Variants in DIP2B observed in about 807,000 individuals in gnomAD.
DIP2B encodes disco-interacting protein 2 homolog B.
In DIP2B, 76 loss-of-function variants were observed where a neutral mutation model predicts 198.0. The ratio of observed to expected loss-of-function variants is 0.38; its 90% confidence interval spans 0.32 to 0.46. The LOEUF (loss-of-function observed/expected upper bound fraction) is 0.46. DIP2B is among the 20% of genes least tolerant of loss of function. DIP2B has a pLI of 0.99. For missense variants in DIP2B, 1,559 were observed against 1,978.4 expected, an observed-to-expected ratio of 0.79 and a Z score of 4.02; for synonymous variants, 701 against 739.1, an observed-to-expected ratio of 0.95 and a Z score of 0.84.
chr12:50,696,116 G>GT, intron 16 of DIP2B, 149 bp downstream of exon 16: 1 of 1,253,536 alleles, frequency 8.0e-7, no homozygotes, highest in African/African-American at 1.5e-5. Flanking sequence ...CACGAGTTGT[G>GT]TAACCATCAT....
chr12:50,727,961 A>G, intron 29 of DIP2B, 149 bp downstream of exon 29: 2 of 630,276 alleles, frequency 3.2e-6, no homozygotes, highest in Non-Finnish European at 5.5e-6. Context: ...AAATAAAGGC[A>G]TTGGCTCCTC....
chr12:50,546,756 G>T (rs1958380987), intron 1 of DIP2B, among the ~76,000 whole-genome samples: 1 of 152,106 alleles, frequency 6.6e-6, no homozygotes, highest in Admixed American at 6.6e-5. Flanking sequence ...GGAGTGGGCT[G>T]TTCTTAAATA....
chr12:50,604,519 A>G (rs935386165), intron 1 of DIP2B, among the ~76,000 whole-genome samples: 2 of 152,124 alleles, frequency 1.3e-5, no homozygotes, highest in African/African-American at 4.8e-5. Context: ...AGTGGCATGC[A>G]TGTTCATGGC....
chr12:50,540,618 G>A (rs1438401514), intron 1 of DIP2B, among the ~76,000 whole-genome samples: 2 of 147,348 alleles, frequency 1.4e-5, no homozygotes, highest in East Asian at 2.0e-4. Context: ...GTGCGATCTC[G>A]GCTCACTGCA....
intron 1 of DIP2B, among the ~76,000 whole-genome samples, chr12:50,582,086 A>G (rs1216738862): frequency 1.3e-5 from 2 of 150,718 alleles, no homozygotes; most frequent in African/African-American, 4.9e-5. Flanking sequence ...AAGGGCAGTA[A>G]CTTTTTAGAT....
In DIP2B at chr12:50,731,178, A is replaced by T. The variant is rs186442102; in HGVS notation, c.3642-191A>T. Reference sequence around the variant, plus strand: ...TATGTAGACTTAAGTGACCTACCACAGTCTGCTTTATTTCATAGTTGCTCC... The same window carrying T: ...TATGTAGACTTAAGTGACCTACCACTGTCTGCTTTATTTCATAGTTGCTCC... On this transcript the variant is annotated intron_variant, in intron 30 of 37. Transcript: ENST00000301180. 4.6e-5 allele frequency among the ~76,000 whole-genome samples: 7 copies of T among 152,366 alleles called. No homozygotes were observed. The East Asian group carries it at 1.3e-3, about 29-fold the overall frequency.
chr12:50,739,288 G>C, intron 35 of DIP2B, 121 bp from the exon 36 acceptor site: 1 of 1,089,668 alleles, frequency 9.2e-7, no homozygotes, highest in Non-Finnish European at 1.3e-6. Context: ...TGCCTTTATT[G>C]ATGCAGTTGT....
chr12:50,631,650 C>T (rs1353147882), intron 2 of DIP2B, among the ~76,000 whole-genome samples: 1 of 152,172 alleles, frequency 6.6e-6, no homozygotes, highest in East Asian at 1.9e-4. Flanking sequence ...CCAGGTTGGT[C>T]TCGAACTCTT....
At chr12:50,622,942 C>T (rs1417498469) in intron 1 of DIP2B, among the ~76,000 whole-genome samples, 1 of 151,578 alleles carries the variant, frequency 6.6e-6, no homozygotes, top group Non-Finnish European at 1.5e-5. Context: ...CATCTAATGA[C>T]CTATCAAAAA....
intron 23 of DIP2B, among the ~76,000 whole-genome samples, chr12:50,717,191 C>T (rs956649306): frequency 6.6e-6 from 1 of 151,322 alleles, no homozygotes; most frequent in African/African-American, 2.4e-5. Context: ...ATGATCTGCC[C>T]CCCTCTGCCT....
intron 1 of DIP2B, among the ~76,000 whole-genome samples, chr12:50,540,053 G>GTTTTTTTTTTTCTTT (rs1958306388): frequency 2.3e-5 from 1 of 44,142 alleles, no homozygotes; most frequent in Non-Finnish European, 3.9e-5. Context: ...TTGTTTCTGT[G>GTTTTTTTTTTTCTTT]TTTTTTTTTT....
At chr12:50,698,578 C>A in intron 18 of DIP2B, 111 bp downstream of exon 18, 2 of 1,317,764 alleles carry the variant, frequency 1.5e-6, no homozygotes, top group African/African-American at 1.5e-5. Flanking sequence ...CAGTACTTAA[C>A]GCATTTAATT....
At chr12:50,728,499 T>G (rs777885017) in intron 29 of DIP2B, 49 bp from the exon 30 acceptor site, 1 of 1,582,538 alleles carries the variant, frequency 6.3e-7, no homozygotes, top group Non-Finnish European at 8.6e-7. Context: ...GCTGTTACTC[T>G]GCCTGTGGGA....
At chr12:50,541,926 C>T (rs951720069) in intron 1 of DIP2B, among the ~76,000 whole-genome samples, 18 of 151,506 alleles carry the variant, frequency 1.2e-4, no homozygotes, top group African/African-American at 3.4e-4. Context: ...TGCTTGAACC[C>T]GGGAGGTGGA....
rs1411793753 is a variant in DIP2B at position 50,695,827 on chromosome 12, T to C, written c.1814-21T>C. 1.9e-6 allele frequency: 3 copies of C among 1,613,794 alleles called. No homozygotes were observed. In the South Asian group the frequency reaches 3.3e-5, roughly 18 times the overall value. Reference sequence around the variant, plus strand: ...CCCAAATTTATTGTGTATGTTAACTTCATCCTTTTTGAATTTATAGCCAAG... The same window carrying C: ...CCCAAATTTATTGTGTATGTTAACTCCATCCTTTTTGAATTTATAGCCAAG... On this transcript the variant is annotated intron_variant, in intron 15 of 37. Transcript: ENST00000301180.
intron 3 of DIP2B, among the ~76,000 whole-genome samples, chr12:50,643,930 A>ATTT (rs1369732934): frequency 6.6e-6 from 1 of 152,208 alleles, no homozygotes; most frequent in African/African-American, 2.4e-5. Flanking sequence ...TTTAGGGTAT[A>ATTT]TTTAATAAAA....
At chr12:50,534,882 C>A (rs1958250270) in intron 1 of DIP2B, among the ~76,000 whole-genome samples, 1 of 152,040 alleles carries the variant, frequency 6.6e-6, no homozygotes, top group Non-Finnish European at 1.5e-5. Flanking sequence ...CTGAGATGAC[C>A]TATGATTAGA....
intron 1 of DIP2B, among the ~76,000 whole-genome samples, chr12:50,607,572 A>G (rs886751689): frequency 5.3e-5 from 8 of 152,146 alleles, no homozygotes; most frequent in Non-Finnish European, 8.8e-5. Context: ...TATCAGCTAT[A>G]TATTCAGTGG....
At chr12:50,685,775 G>A in intron 10 of DIP2B, 58 bp from the exon 11 acceptor site, 1 of 1,565,812 alleles carries the variant, frequency 6.4e-7, no homozygotes, top group Non-Finnish European at 8.7e-7. Flanking sequence ...TGTCAGATAT[G>A]GGCATGAGTG....
Sources: allele counts gnomAD v4.1 joint callset (sites outside exome capture counted in the v4.1 genomes callset), GRCh38; gene constraint gnomAD v4.1.1; transcripts MANE v1.5; gene names NCBI Gene and HGNC (gene_info 2026-07-23, HGNC 2026-07-21).